Variants in ZFHX3 observed in about 807,000 individuals in gnomAD.
The protein encoded by ZFHX3 is zinc finger homeobox 3, also known as zinc finger homeobox protein 3.
ZFHX3 carries 42 observed loss-of-function variants against 279.1 expected under a neutral mutation model. That is an observed-to-expected ratio of 0.15 (90% confidence interval 0.12 to 0.19). ZFHX3 has a LOEUF of 0.19. ZFHX3 is among the 10% of genes least tolerant of loss of function. ZFHX3 has a pLI of 1.00. For synonymous variants in ZFHX3, 2,293 were observed against 1,957.8 expected (o/e 1.17, Z -4.52); for missense variants, 4,981 against 4,754.0 (o/e 1.05, Z -1.40).
chr16:73,820,030 A>G (rs1399471597), intron 1 of ZFHX3, among the ~76,000 whole-genome samples: 3 of 152,132 alleles, frequency 2.0e-5, no homozygotes, highest in African/African-American at 7.2e-5. Flanking sequence ...ATCTCCTTGA[A>G]TCTGGGTGGC....
chr16:72,929,017 C>T (rs1200463570), intron 3 of ZFHX3, among the ~76,000 whole-genome samples: 1 of 151,924 alleles, frequency 6.6e-6, no homozygotes, highest in Non-Finnish European at 1.5e-5. Context: ...GTGGGCAGAT[C>T]ACTAAAAGTC....
rs2143466294 is a variant in ZFHX3 at position 72,798,389 on chromosome 16, G to A, written c.4293C>T (p.Cys1431=). The change falls in exon 9 of 10, where the codon TGC becomes TGT. Residue 1431 remains cysteine, a synonymous_variant. Coordinates refer to ENST00000268489, the MANE Select transcript of ZFHX3 (RefSeq NM_006885.4). The part of the protein sequence containing the change: ...QYHVIRAATM[C]CLCQRSFRTF... ...TTCGGAAACTGCGCTGACAAAGACAGCACATGGTGGCAGCTCTGATCACAT... is the reference window on the plus strand; with the variant it reads ...TTCGGAAACTGCGCTGACAAAGACAACACATGGTGGCAGCTCTGATCACAT... The A allele has an allele frequency of 6.2e-7, 1 of 1,614,206 alleles. No individual in the cohort carries two copies. Among genetic ancestry groups the A allele is most frequent in the Non-Finnish European group, 8.5e-7 (1 of 1,180,032 alleles).
At chr16:73,171,330 G>A (rs1967517637) in intron 5 of ZFHX3, among the ~76,000 whole-genome samples, 1 of 152,134 alleles carries the variant, frequency 6.6e-6, no homozygotes, top group Admixed American at 6.5e-5. Context: ...GTATCTTCAA[G>A]GAAACTGTAG....
chr16:73,478,232 C>T (rs372085866), intron 2 of ZFHX3, among the ~76,000 whole-genome samples: 2 of 146,152 alleles, frequency 1.4e-5, no homozygotes, highest in South Asian at 2.2e-4. Context: ...CGCCACTGCA[C>T]TCCAGCCTGG....
At chr16:73,562,747 G>GAAATAAA (rs2020390341) in intron 2 of ZFHX3, among the ~76,000 whole-genome samples, 6 of 151,722 alleles carry the variant, frequency 4.0e-5, no homozygotes, top group Admixed American at 3.9e-4. Flanking sequence ...AAATTATTTG[G>GAAATAAA]AAATAAAAAA....
chr16:73,671,517 C>T (rs1044599574), intron 2 of ZFHX3, among the ~76,000 whole-genome samples: 1 of 152,192 alleles, frequency 6.6e-6, no homozygotes, highest in Non-Finnish European at 1.5e-5. Context: ...TAATTTAATG[C>T]ATATTTTCTT....
At chr16:73,395,513 A>AC (rs1357235204) in intron 3 of ZFHX3, among the ~76,000 whole-genome samples, 1 of 151,650 alleles carries the variant, frequency 6.6e-6, no homozygotes, top group Non-Finnish European at 1.5e-5. Flanking sequence ...CAAGAGGGTC[A>AC]CCCTGCACCG....
chr16:73,742,847 C>T (rs879434261), intron 1 of ZFHX3, among the ~76,000 whole-genome samples: 1 of 152,174 alleles, frequency 6.6e-6, no homozygotes, highest in Non-Finnish European at 1.5e-5. Flanking sequence ...AATTCATGAT[C>T]TAATGTGACC....
At chr16:73,728,107 G>C (rs2053537380) in intron 1 of ZFHX3, among the ~76,000 whole-genome samples, 1 of 135,814 alleles carries the variant, frequency 7.4e-6, no homozygotes, top group Non-Finnish European at 1.5e-5. Context: ...TCTTTAAAGA[G>C]GTAATTAAGT....
chr16:73,878,097 A>G (rs2030013169), intron 1 of ZFHX3, among the ~76,000 whole-genome samples: 1 of 152,060 alleles, frequency 6.6e-6, no homozygotes, highest in South Asian at 2.1e-4. Flanking sequence ...CTCATTTAAT[A>G]CTAAGCAAAA....
In ZFHX3 at chr16:73,597,155, C is replaced by G. The variant is rs553763435; in HGVS notation, c.-1547+83025G>C. 2.0e-5 allele frequency among the ~76,000 whole-genome samples: 3 copies of G among 152,328 alleles called. No individual in the cohort carries two copies. In the South Asian group the frequency reaches 6.2e-4, roughly 32 times the overall value. On this transcript the variant is annotated intron_variant, in intron 2 of 17. Transcript: ENST00000641206. ...TGGCTCAGGTTCTTTTCCAAACTCT[C>G]TCAGTACGTTATCTCTGTGCATCTC...
intron 4 of ZFHX3, among the ~76,000 whole-genome samples, chr16:72,872,992 G>A (rs1429724534): frequency 1.3e-5 from 2 of 152,152 alleles, no homozygotes; most frequent in African/African-American, 4.8e-5. Context: ...TGTCTCTACT[G>A]ATTTATCTTT....
chr16:73,808,633 G>C (rs1248050204), intron 1 of ZFHX3: 1 of 152,224 alleles, frequency 6.6e-6, no homozygotes, highest in East Asian at 1.9e-4. Flanking sequence ...TACATAATGG[G>C]ATGAGCCTGG....
intron 1 of ZFHX3, among the ~76,000 whole-genome samples, chr16:73,842,738 A>AGCT (rs912202815): frequency 6.6e-6 from 1 of 152,166 alleles, no homozygotes; most frequent in African/African-American, 2.4e-5. Context: ...CCACACACGG[A>AGCT]GGTTCCAGGG....
intron 4 of ZFHX3, among the ~76,000 whole-genome samples, chr16:72,882,977 G>GGGGTGTGTGTGTGT (rs1371954934): frequency 4.6e-5 from 3 of 65,390 alleles, no homozygotes; most frequent in East Asian, 4.9e-4. Flanking sequence ...ACCACTCTGG[G>GGGGTGTGTGTGTGT]GTGTGTGTGT....
chr16:73,810,697 C>CAA (rs922965436), intron 1 of ZFHX3, among the ~76,000 whole-genome samples: 1 of 149,808 alleles, frequency 6.7e-6, no homozygotes, highest in African/African-American at 2.4e-5. Flanking sequence ...CATTCAACAA[C>CAA]AAAAAAAAAT....
At chr16:73,856,455 C>A (rs79874389) in intron 1 of ZFHX3, among the ~76,000 whole-genome samples, 4,318 of 152,256 alleles carry the variant, frequency 0.028, 203 homozygotes, top group African/African-American at 0.1. Context: ...GAAAAAAATT[C>A]TTTCTTAGAG....
chr16:73,783,855 T>C (rs140288620), intron 1 of ZFHX3, among the ~76,000 whole-genome samples: 13 of 152,306 alleles, frequency 8.5e-5, no homozygotes, highest in African/African-American at 1.4e-4. Context: ...GGAAATTACA[T>C]AGAGTTGTCC....
In ZFHX3 at chr16:73,201,193, TG is replaced by T. The variant is rs1034757281; in HGVS notation, c.-1104+55853del. Among the ~76,000 whole-genome samples the T allele has an allele frequency of 2.1e-4, 32 of 152,036 alleles. 1 individual carries two copies. The highest frequency in any genetic ancestry group is 2.0e-3 in the Admixed American group (31 of 15,268). On this transcript the variant is annotated intron_variant, in intron 5 of 17. Coordinates refer to the ZFHX3 transcript ENST00000641206. ...GATCTTTTGCTGAAACCATTGGCAATGGGGGGGCTCTGTCCCCTTGGGGTAT... is the reference window on the plus strand; with the variant it reads ...GATCTTTTGCTGAAACCATTGGCAATGGGGGGCTCTGTCCCCTTGGGGTAT...
Sources: gnomAD v4.1 joint callset for allele counts (sites outside exome capture counted in the v4.1 genomes callset) on GRCh38, gnomAD v4.1.1 for gene constraint, MANE v1.5 for transcripts, NCBI Gene and HGNC (gene_info 2026-07-23, HGNC 2026-07-21) for gene names.